TNS3: variants seen among roughly 807,000 people sequenced by gnomAD.
TNS3 encodes tensin 3, also known as tensin-3.
Under a neutral mutation model 140.9 loss-of-function variants are expected in TNS3, and 45 were observed. The observed-to-expected ratio is 0.32, with a 90% CI of 0.25 to 0.41. The LOEUF is 0.41. TNS3 is among the 10% of genes least tolerant of loss of function. The probability of loss-of-function intolerance (pLI) is 1.00; values close to 1 mark genes in which losing one functional copy is unlikely to be tolerated. For synonymous variants in TNS3, 815 were observed against 788.4 expected (o/e 1.03, Z -0.56); for missense variants, 1,716 against 1,906.7 (o/e 0.90, Z 1.86).
chr7:47,444,967 G>C lies in TNS3; in HGVS notation c.-75-2912C>G, dbSNP rs148112673. 2.9e-3 allele frequency among the ~76,000 whole-genome samples: 439 copies of C among 152,256 alleles called. 1 individual carries two copies. The highest frequency in any genetic ancestry group is 0.01 in the African/African-American group (416 of 41,524). Reference sequence around the variant, plus strand: ...CTTACATGAAGTGTTCGGAAATGCAGGGTTCCTGTAAAGTGTCCCAGCATT... The same window carrying C: ...CTTACATGAAGTGTTCGGAAATGCACGGTTCCTGTAAAGTGTCCCAGCATT... On this transcript the variant is annotated intron_variant, in intron 4 of 30. Coordinates refer to ENST00000311160, the MANE Select transcript of TNS3 (RefSeq NM_022748.12).
At chr7:47,569,674 G>A (rs1356011173) in intron 1 of TNS3, among the ~76,000 whole-genome samples, 1 of 149,252 alleles carries the variant, frequency 6.7e-6, no homozygotes, top group Non-Finnish European at 1.5e-5. Flanking sequence ...GCCAACATGG[G>A]GAAACCTCGT....
chr7:47,425,178 A>C lies in TNS3; in HGVS notation c.390-994T>G, dbSNP rs141508618. On this transcript the variant is annotated intron_variant, in intron 9 of 30. Coordinates refer to ENST00000311160, the MANE Select transcript of TNS3 (RefSeq NM_022748.12). ...TACTGAAAATAAAAATTACCGCGGC[A>C]TGATGGTGGGTGCCTATAATCCCAG... 6.9e-3 allele frequency among the ~76,000 whole-genome samples: 1,056 copies of C among 152,180 alleles called. 7 individuals carry two copies. Among genetic ancestry groups the C allele is most frequent in the African/African-American group, 0.024 (998 of 41,532 alleles).
intron 1 of TNS3, among the ~76,000 whole-genome samples, chr7:47,544,967 T>C (rs1799880955): frequency 6.6e-6 from 1 of 151,844 alleles, no homozygotes. Context: ...ACGAAAAGCC[T>C]GGAGATCCAC....
intron 1 of TNS3, among the ~76,000 whole-genome samples, chr7:47,570,468 G>A (rs73695395): frequency 0.024 from 3,601 of 152,310 alleles, 144 homozygotes; most frequent in African/African-American, 0.082. Flanking sequence ...CAGTAGGCTA[G>A]ATTCTCAAGT....
chr7:47,435,817 T>C (rs1795151432), intron 7 of TNS3, among the ~76,000 whole-genome samples: 1 of 152,170 alleles, frequency 6.6e-6, no homozygotes, highest in Admixed American at 6.5e-5. Flanking sequence ...TCCCACACCG[T>C]GCGGACAACA....
At chr7:47,578,493 C>A (rs557492255) in intron 1 of TNS3, among the ~76,000 whole-genome samples, 38 of 148,734 alleles carry the variant, frequency 2.6e-4, no homozygotes, top group Non-Finnish European at 3.1e-4. Context: ...CAACTCCCAG[C>A]GAGGGTAGGA....
chr7:47,478,411 TACACACACAC>T (rs10531755), intron 4 of TNS3, among the ~76,000 whole-genome samples: 1 of 148,882 alleles, frequency 6.7e-6, no homozygotes, highest in African/African-American at 2.5e-5. Flanking sequence ...CTCAGGGAAA[TACACACACAC>T]ACACACACAC....
intron 3 of TNS3, among the ~76,000 whole-genome samples, chr7:47,501,100 A>AGAGAAAGG (rs200510249): frequency 1.0e-3 from 154 of 149,304 alleles, no homozygotes; most frequent in African/African-American, 1.3e-3. Context: ...AGAGAGAAAG[A>AGAGAAAGG]GAGAAAGGGA....
At chr7:47,470,009 G>C (rs1040325444) in intron 4 of TNS3, among the ~76,000 whole-genome samples, 3 of 141,138 alleles carry the variant, frequency 2.1e-5, no homozygotes, top group Non-Finnish European at 4.6e-5. Flanking sequence ...TGTGGTACAT[G>C]TACACCATGG....
intron 2 of TNS3, among the ~76,000 whole-genome samples, chr7:47,527,532 C>T (rs751124715): frequency 3.9e-5 from 6 of 152,202 alleles, no homozygotes; most frequent in Non-Finnish European, 8.8e-5. Flanking sequence ...ACATGGCCCT[C>T]CTGAACTGGA....
At chr7:47,282,330 C>T (rs1481804367) in intron 28 of TNS3, among the ~76,000 whole-genome samples, 1 of 150,668 alleles carries the variant, frequency 6.6e-6, no homozygotes, top group Non-Finnish European at 1.5e-5. Context: ...CATGCCCCGA[C>T]CCTGAGTCTA....
At chr7:47,441,653 T>C (rs534541263) in intron 5 of TNS3, among the ~76,000 whole-genome samples, 13 of 152,296 alleles carry the variant, frequency 8.5e-5, no homozygotes, top group Admixed American at 7.2e-4. Context: ...AGTGAGTGCC[T>C]CTCCAGAAGA....
intron 12 of TNS3, among the ~76,000 whole-genome samples, chr7:47,412,656 T>C (rs1054324860): frequency 5.9e-5 from 9 of 152,154 alleles, no homozygotes; most frequent in South Asian, 2.1e-4. Flanking sequence ...AGAAAAACCA[T>C]AGTAGTGAGA....
At chr7:47,286,788 T>G (rs767194705) in intron 27 of TNS3, among the ~76,000 whole-genome samples, 21 of 152,222 alleles carry the variant, frequency 1.4e-4, no homozygotes, top group Middle Eastern at 3.2e-3. Flanking sequence ...AGGTGAATTA[T>G]ATGATGGACT....
chr7:47,465,785 G>A (rs745875478), intron 4 of TNS3, among the ~76,000 whole-genome samples: 8 of 151,938 alleles, frequency 5.3e-5, no homozygotes, highest in Non-Finnish European at 8.8e-5. Context: ...TTAGCCGGGC[G>A]TGGTGGTGGA....
At chr7:47,282,290 C>A (rs1017450596) in intron 28 of TNS3, among the ~76,000 whole-genome samples, 1 of 151,832 alleles carries the variant, frequency 6.6e-6, no homozygotes, top group Non-Finnish European at 1.5e-5. Flanking sequence ...GAGCCATGCC[C>A]CTGACCCTGA....
At chr7:47,418,964 CAG>C (rs771416057) in intron 10 of TNS3, among the ~76,000 whole-genome samples, 4 of 152,274 alleles carry the variant, frequency 2.6e-5, no homozygotes, top group Non-Finnish European at 5.9e-5. Flanking sequence ...CCAGCACTCA[CAG>C]AGTCAGCCAT....
At chr7:47,566,660 G>A (rs1388646015) in intron 1 of TNS3, among the ~76,000 whole-genome samples, 1 of 152,206 alleles carries the variant, frequency 6.6e-6, no homozygotes, top group African/African-American at 2.4e-5. Context: ...GCTGAAAGTT[G>A]TTAGGAGGCA....
chr7:47,340,229 T>C (rs1788918768), intron 20 of TNS3, among the ~76,000 whole-genome samples: 1 of 147,054 alleles, frequency 6.8e-6, no homozygotes, highest in South Asian at 2.2e-4. Flanking sequence ...TTCAAGTGAT[T>C]CTCCTGCCTC....
Sources: allele counts gnomAD v4.1 joint callset (sites outside exome capture counted in the v4.1 genomes callset), GRCh38; gene constraint gnomAD v4.1.1; transcripts MANE v1.5; gene names NCBI Gene and HGNC (gene_info 2026-07-23, HGNC 2026-07-21).